The following DDHD1 variants were observed in gnomAD, a reference collection of about 807,000 sequenced individuals.
The protein encoded by DDHD1 is phospholipase DDHD1.
A neutral mutation model predicts 96.4 loss-of-function variants in DDHD1; 49 were observed. The ratio of observed to expected loss-of-function variants is 0.51; its 90% CI spans 0.40 to 0.64. DDHD1 has a LOEUF of 0.64. DDHD1 is among the 30% of genes least tolerant of loss of function. DDHD1 has a pLI of 0.00. For missense variants in DDHD1, 1,106 were observed against 1,161.2 expected, an observed-to-expected ratio of 0.95 and a Z score of 0.69; for synonymous variants, 442 against 446.5, an observed-to-expected ratio of 0.99 and a Z score of 0.13.
At chr14:53,050,459 C>A (rs1348466540) in intron 12 of DDHD1, among the ~76,000 whole-genome samples, 1 of 151,940 alleles carries the variant, frequency 6.6e-6, no homozygotes, top group Non-Finnish European at 1.5e-5. Context: ...ATGATTGAGA[C>A]CTTTCTCCAG....
rs1272969366 is a variant in DDHD1, at chr14:53,037,911, G to GA, written c.*8856dup. The GA allele has an allele frequency of 4.6e-5, 7 of 152,082 alleles. No homozygotes were observed. The highest frequency in any genetic ancestry group is 7.2e-5 in the African/African-American group (3 of 41,414). The allele number at this position is 152,082 out of a possible 1,614,324, so 9.4% of individuals were successfully genotyped here. ...TCTTGAGTTAATTTTCATATACGGT[G>GA]AAAGGTGGGGGGTCCAGTTTCATTC... On this transcript the variant is annotated 3_prime_UTR_variant, in exon 13 of 13. Coordinates refer to ENST00000673822, the MANE Select transcript of DDHD1 (RefSeq NM_001160148.2).
In DDHD1 at chr14:53,152,343, C is replaced by G; in HGVS notation, c.756G>C (p.Val252=). 2 of 1,613,978 alleles carry G rather than the reference C, an allele frequency of 1.2e-6. No individual in the cohort carries two copies. The highest frequency in any genetic ancestry group is 1.7e-6 in the Non-Finnish European group (2 of 1,179,966). Residue 252 remains valine (V), a synonymous_variant, in exon 1 of 13, where the codon GTG becomes GTC. Transcript: ENST00000673822. Reference sequence around the variant, plus strand: ...CCCGCACGCACACAGGCTCGATGTTCACAAGCTCCACCATCTCCGGCTCGT... The same window carrying G: ...CCCGCACGCACACAGGCTCGATGTTGACAAGCTCCACCATCTCCGGCTCGT... ...TGHEPEMVEL[V]NIEPVCVRGG... is the part of the protein sequence containing the mutation.
chr14:53,076,756 C>T (rs762154797), intron 4 of DDHD1, among the ~76,000 whole-genome samples: 43 of 152,186 alleles, frequency 2.8e-4, no homozygotes, highest in Non-Finnish European at 3.8e-4. Context: ...TCCTGGTCAG[C>T]AGCCATCAAC....
chr14:53,086,730 G>T (rs1885993792), intron 4 of DDHD1, among the ~76,000 whole-genome samples: 1 of 152,136 alleles, frequency 6.6e-6, no homozygotes, highest in Non-Finnish European at 1.5e-5. Context: ...ATGCTGGGAA[G>T]AAACTGCAGC....
At chr14:53,083,944 T>C (rs1885711560) in intron 4 of DDHD1, among the ~76,000 whole-genome samples, 1 of 152,192 alleles carries the variant, frequency 6.6e-6, no homozygotes, top group Non-Finnish European at 1.5e-5. Flanking sequence ...GATTCATTCA[T>C]CCTGCTTCCA....
At position 53,113,779 on chromosome 14, in the gene DDHD1, C is replaced by A. The variant is rs151236749; in HGVS notation, c.839-9923G>T. 5.8e-4 allele frequency among the ~76,000 whole-genome samples: 88 copies of A among 152,306 alleles called. 5 individuals carry two copies. In the East Asian group the frequency reaches 0.017, roughly 29 times the overall value. On this transcript the variant is annotated intron_variant, in intron 1 of 12. Coordinates refer to ENST00000673822, the MANE Select transcript of DDHD1 (RefSeq NM_001160148.2). ...GTGCCTACACCACCAGGACCCTGGG[C>A]TTCAAGCACATAACTGGGCAGCTGT...
rs553857556 is a variant in DDHD1, at chr14:53,080,559, A to AT, written c.1290-6713dup. On this transcript the variant is annotated intron_variant, in intron 4 of 12. Coordinates refer to ENST00000673822, the MANE Select transcript of DDHD1 (RefSeq NM_001160148.2). ...TCAACTTAATTTTTCTTTGCCATAT[A>AT]TTTTTTTTCCTAGACAATATATTTA... Among the ~76,000 whole-genome samples the AT allele has an allele frequency of 6.4e-3, 977 of 151,552 alleles. 15 individuals are homozygous for AT. The highest frequency in any genetic ancestry group is 0.022 in the African/African-American group (923 of 41,314).
chr14:53,125,369 GA>G (rs1015410528), intron 1 of DDHD1, among the ~76,000 whole-genome samples: 5 of 151,620 alleles, frequency 3.3e-5, no homozygotes, highest in African/African-American at 9.7e-5. Context: ...ACTTAGCTAA[GA>G]AAAAAAATAT....
intron 2 of DDHD1, among the ~76,000 whole-genome samples, chr14:53,099,310 C>T (rs746782540): frequency 2.4e-4 from 36 of 152,170 alleles, no homozygotes; most frequent in Non-Finnish European, 4.0e-4. Flanking sequence ...AACTAATATA[C>T]AGACTTTATT....
chr14:53,091,755 G>A (rs375972195), intron 4 of DDHD1, 30 bp downstream of exon 4: 27 of 1,604,938 alleles, frequency 1.7e-5, no homozygotes, highest in Non-Finnish European at 2.2e-5. Context: ...TTCTAGATTA[G>A]ATATACAATG....
At chr14:53,113,467 C>T (rs2139765576) in intron 1 of DDHD1, among the ~76,000 whole-genome samples, 2 of 149,412 alleles carry the variant, frequency 1.3e-5, no homozygotes, top group South Asian at 4.2e-4. Context: ...CCAAGATGGC[C>T]GAATAGGAAC....
At chr14:53,077,747 T>C (rs1473850315) in intron 4 of DDHD1, among the ~76,000 whole-genome samples, 1 of 151,708 alleles carries the variant, frequency 6.6e-6, no homozygotes, top group Non-Finnish European at 1.5e-5. Flanking sequence ...TCTAATTTCA[T>C]AACACGTTCA....
chr14:53,069,454 G>T (rs1566535518), intron 6 of DDHD1, among the ~76,000 whole-genome samples: 2 of 152,172 alleles, frequency 1.3e-5, no homozygotes, highest in Non-Finnish European at 2.9e-5. Flanking sequence ...GCATTTTATA[G>T]CAATAGAGTA....
chr14:53,146,687 A>T (rs1006003700), intron 1 of DDHD1, among the ~76,000 whole-genome samples: 1 of 152,214 alleles, frequency 6.6e-6, no homozygotes, highest in Non-Finnish European at 1.5e-5. Flanking sequence ...CTAATCTAGG[A>T]GTATCAGAAA....
At position 53,058,645 on chromosome 14, in the gene DDHD1, CTT is replaced by C; in HGVS notation, c.1843-21_1843-20del. The C allele has an allele frequency of 6.4e-7, 1 of 1,573,158 alleles. No homozygotes were observed. Among genetic ancestry groups the C allele is most frequent in the Non-Finnish European group, 8.6e-7 (1 of 1,160,940 alleles). On this transcript the variant is annotated intron_variant, in intron 8 of 12. Transcript: ENST00000673822. ...TCTCAACCTAAAATGATAAAGTCATCTTAAAGTTTAAAAATGGTGAAGTGTTA... is the reference window on the plus strand; with the variant it reads ...TCTCAACCTAAAATGATAAAGTCATCAAAGTTTAAAAATGGTGAAGTGTTA...
intron 1 of DDHD1, among the ~76,000 whole-genome samples, chr14:53,125,980 C>T (rs546384362): frequency 2.0e-5 from 3 of 152,246 alleles, no homozygotes; most frequent in Non-Finnish European, 4.4e-5. Flanking sequence ...GGATTACAGG[C>T]GTGAGCCACC....
At chr14:53,134,858 T>C (rs1488269298) in intron 1 of DDHD1, among the ~76,000 whole-genome samples, 1 of 151,366 alleles carries the variant, frequency 6.6e-6, no homozygotes, top group African/African-American at 2.5e-5. Context: ...TCTCAATTCA[T>C]ACAAAACTGC....
chr14:53,079,107 T>C (rs915354062), intron 4 of DDHD1, among the ~76,000 whole-genome samples: 2 of 152,190 alleles, frequency 1.3e-5, no homozygotes, highest in Admixed American at 1.3e-4. Context: ...TTCAAGTTTG[T>C]TGGCATTTCA....
intron 1 of DDHD1, among the ~76,000 whole-genome samples, chr14:53,127,921 C>T (rs558888628): frequency 2.0e-5 from 3 of 152,318 alleles, no homozygotes; most frequent in African/African-American, 7.2e-5. Context: ...CACCCAAAAT[C>T]TCATCTTGAA....
Sources: gnomAD v4.1 joint callset for allele counts (sites outside exome capture counted in the v4.1 genomes callset) on GRCh38, gnomAD v4.1.1 for gene constraint, MANE v1.5 for transcripts, NCBI Gene and HGNC (gene_info 2026-07-23, HGNC 2026-07-21) for gene names.